The following AOPEP variants were observed in gnomAD, a reference collection of about 807,000 sequenced individuals.
AOPEP encodes aminopeptidase O.
A neutral mutation model predicts 98.1 loss-of-function variants in AOPEP; 77 were observed. The observed-to-expected ratio is 0.78, with a 90% CI of 0.65 to 0.95. The LOEUF (loss-of-function observed/expected upper bound fraction) is 0.95, where lower values mean the gene tolerates loss of function less well. Ranked by LOEUF, AOPEP falls within the 40% of genes least tolerant of loss-of-function variation. The probability of loss-of-function intolerance (pLI) is 0.00; values close to 1 mark genes in which losing one functional copy is unlikely to be tolerated. For missense variants in AOPEP, 1,024 were observed against 1,024.7 expected (o/e 1.00, Z 0.01); for synonymous variants, 346 against 365.3 (o/e 0.95, Z 0.60).
intron 1 of AOPEP, among the ~76,000 whole-genome samples, chr9:94,739,598 C>T (rs542612836): frequency 6.7e-6 from 1 of 149,662 alleles, no homozygotes; most frequent in East Asian, 2.0e-4. Flanking sequence ...GAGCCGAGAT[C>T]GTGCCATTGC....
Position 94,941,575 on chromosome 9 carries a change from A to C in AOPEP, c.1661+13044A>C, listed in dbSNP as rs2057011612. On this transcript the variant is annotated intron_variant, in intron 7 of 16. Transcript: ENST00000375315. ...TTCAAAGGTCAGCTCCACCAGCCTGAGCTGCCCACTCAGTTTGTTTCCTGT... is the reference window on the plus strand; with the variant it reads ...TTCAAAGGTCAGCTCCACCAGCCTGCGCTGCCCACTCAGTTTGTTTCCTGT... 2.0e-5 allele frequency among the ~76,000 whole-genome samples: 3 copies of C among 152,344 alleles called. No homozygotes were observed. The South Asian group carries it at 6.2e-4, about 32-fold the overall frequency.
chr9:94,856,901 A>C (rs1193305083), intron 5 of AOPEP, among the ~76,000 whole-genome samples: 1 of 152,224 alleles, frequency 6.6e-6, no homozygotes, highest in Non-Finnish European at 1.5e-5. Flanking sequence ...CAGTACTAGA[A>C]GAGGGTCTAA....
chr9:94,775,838 TAGTC>T (rs1437847766), intron 3 of AOPEP, among the ~76,000 whole-genome samples: 1 of 151,822 alleles, frequency 6.6e-6, no homozygotes, highest in Non-Finnish European at 1.5e-5. Context: ...AACAAAAAAT[TAGTC>T]AGGCGTGGTG....
At chr9:95,142,987 C>A in the AOPEP span, among the ~76,000 whole-genome samples, 1 of 152,192 alleles carries the variant, frequency 6.6e-6, no homozygotes, top group African/African-American at 2.4e-5. Flanking sequence ...CTCAGTCCCA[C>A]AAGACTGCCC....
intron 5 of AOPEP, among the ~76,000 whole-genome samples, chr9:94,922,844 T>C (rs886752858): frequency 3.3e-5 from 5 of 152,224 alleles, no homozygotes; most frequent in African/African-American, 1.2e-4. Context: ...ATGACTACCA[T>C]GATTGCAGTT....
rs1183633089 is a variant in AOPEP, at chr9:95,058,740, A to C, written c.2116-1954A>C. ...TGAGGTGAAGTGGGGAGAGCCCACG[A>C]CTGGGGTGAAAAGGAAGACACTGGG... is the stretch of plus-strand genomic sequence containing the variant. On this transcript the variant is annotated intron_variant, in intron 13 of 16. Coordinates refer to ENST00000375315, the MANE Select transcript of AOPEP (RefSeq NM_001193329.3). 7.2e-5 allele frequency among the ~76,000 whole-genome samples: 11 copies of C among 152,322 alleles called. No homozygotes were observed. The East Asian group carries it at 1.9e-3, about 27-fold the overall frequency.
At chr9:94,730,527 C>A (rs1246234620) in intron 1 of AOPEP, among the ~76,000 whole-genome samples, 1 of 152,026 alleles carries the variant, frequency 6.6e-6, no homozygotes, top group South Asian at 2.1e-4. Context: ...TTTTTTATTT[C>A]TTGACTCATA....
At chr9:95,135,668 A>T in the AOPEP span, 1 of 628,010 alleles carries the variant, frequency 1.6e-6, no homozygotes, top group South Asian at 2.0e-5. Flanking sequence ...CCAAGTGCTC[A>T]TTTGCAAAAT....
intron 10 of AOPEP, among the ~76,000 whole-genome samples, chr9:94,973,044 G>GT (rs1311301167): frequency 1.3e-5 from 2 of 152,216 alleles, no homozygotes; most frequent in Admixed American, 6.5e-5. Context: ...CGACACAGAT[G>GT]TAAATTGAAT....
chr9:94,753,288 A>G (rs1836247512), intron 1 of AOPEP, among the ~76,000 whole-genome samples: 1 of 152,228 alleles, frequency 6.6e-6, no homozygotes, highest in Non-Finnish European at 1.5e-5. Flanking sequence ...ATATTTGTAA[A>G]TACAAATAAA....
chr9:94,756,173 T>C (rs1267195998), intron 1 of AOPEP, among the ~76,000 whole-genome samples: 1 of 149,338 alleles, frequency 6.7e-6, no homozygotes, highest in African/African-American at 2.5e-5. Context: ...GGCAGGAGAA[T>C]GGCGTGAACC....
At chr9:95,112,586 G>C in the AOPEP span, among the ~76,000 whole-genome samples, 2 of 152,242 alleles carry the variant, frequency 1.3e-5, no homozygotes, top group Non-Finnish European at 2.9e-5. Flanking sequence ...GGCTGGGTTA[G>C]GCTGTACCAG....
intron 3 of AOPEP, among the ~76,000 whole-genome samples, chr9:94,781,627 C>G (rs1178206996): frequency 2.7e-5 from 4 of 150,730 alleles, no homozygotes; most frequent in Non-Finnish European, 5.9e-5. Context: ...GTGGCACGAT[C>G]TCCGCTCACT....
chr9:95,096,268 G>T, the AOPEP span, among the ~76,000 whole-genome samples: 1 of 152,218 alleles, frequency 6.6e-6, no homozygotes, highest in Non-Finnish European at 1.5e-5. Context: ...GATGATGTCT[G>T]AAACCTAGGC....
At chr9:95,107,774 G>A in the AOPEP span, among the ~76,000 whole-genome samples, 10 of 152,168 alleles carry the variant, frequency 6.6e-5, no homozygotes, top group South Asian at 2.1e-4. Flanking sequence ...ACACAAGCAC[G>A]GTCATACACA....
intron 5 of AOPEP, among the ~76,000 whole-genome samples, chr9:94,861,174 C>T (rs1227731788): frequency 6.6e-6 from 1 of 152,066 alleles, no homozygotes; most frequent in Non-Finnish European, 1.5e-5. Context: ...GAGCTCTGGC[C>T]AAGGCAAATT....
At chr9:95,019,495 AC>A (rs1293830576) in intron 13 of AOPEP, 1 of 152,142 alleles carries the variant, frequency 6.6e-6, no homozygotes, top group African/African-American at 2.4e-5. Context: ...TTTTGCAAAT[AC>A]CCAGCTAATG....
chr9:94,928,822 T>C (rs12344211), intron 7 of AOPEP: 179,056 of 326,258 alleles, frequency 0.55, 50,246 homozygotes, highest in African/African-American at 0.72. Flanking sequence ...TGGCTGCGGA[T>C]GTGGCGAGGG....
rs761638413 is a variant in AOPEP at position 94,979,475 on chromosome 9, C to T, written c.1977+48C>T. The T allele has an allele frequency of 8.5e-5, 102 of 1,203,736 alleles. No individual in the cohort carries two copies. In the South Asian group the frequency reaches 1.2e-3, roughly 14 times the overall value. 74.6% of individuals were successfully genotyped at this position (1,203,736 alleles called of 1,614,324 possible). A position where few individuals can be genotyped will look rare whatever the true frequency, so the allele number is the denominator to read the frequency against. On this transcript the variant is annotated intron_variant, in intron 11 of 16. Coordinates refer to ENST00000375315, the MANE Select transcript of AOPEP (RefSeq NM_001193329.3). ...GTAGAATCCATGGAGAGTAGTAAAG[C>T]TTGCTGCTTAGCACATCAATCATGA... is the stretch of plus-strand genomic sequence containing the variant.
Sources: allele counts gnomAD v4.1 joint callset (sites outside exome capture counted in the v4.1 genomes callset), GRCh38; gene constraint gnomAD v4.1.1; transcripts MANE v1.5; gene names NCBI Gene and HGNC (gene_info 2026-07-23, HGNC 2026-07-21).